TACC2: variants seen among roughly 807,000 people sequenced by gnomAD.
The protein encoded by TACC2 is transforming acidic coiled-coil-containing protein 2.
TACC2 carries 137 observed loss-of-function variants against 227.3 expected under a neutral mutation model. The ratio of observed to expected loss-of-function variants is 0.60; its 90% CI spans 0.52 to 0.69. The LOEUF (loss-of-function observed/expected upper bound fraction) is 0.69, where lower values mean the gene tolerates loss of function less well. Among genes scored for constraint, TACC2 ranks in the 30% least tolerant of loss-of-function variants. The probability of loss-of-function intolerance (pLI) is 0.00; values close to 1 mark genes in which losing one functional copy is unlikely to be tolerated. For synonymous variants in TACC2, 1,523 were observed against 1,487.5 expected, an observed-to-expected ratio of 1.02 and a Z score of -0.55; for missense variants, 3,470 against 3,694.4, an observed-to-expected ratio of 0.94 and a Z score of 1.57.
rs1003980370 is a variant in TACC2, at chr10:122,150,487, C to T, written c.5834+6781C>T. ...CACTTGATGGTTTTAGGTGCTTGCC[C>T]TGCGGGAGGCTGCGTTCCTTCCAAG... On this transcript the variant is annotated intron_variant, in intron 7 of 22. Coordinates refer to ENST00000369005, the MANE Select transcript of TACC2 (RefSeq NM_206862.4). This position sits in a 1 kb window ranked among gnomAD's most constrained non-coding sequence, Gnocchi z 4.0. Among the ~76,000 whole-genome samples, 1 of 152,206 alleles carries T rather than the reference C, an allele frequency of 6.6e-6. No individual in the cohort carries two copies. The highest frequency in any genetic ancestry group is 1.5e-5 in the Non-Finnish European group (1 of 68,042).
Position 122,035,577 on chromosome 10 carries a change from G to A in TACC2, c.33+13563G>A, listed in dbSNP as rs534888499. On this transcript the variant is annotated intron_variant, in intron 2 of 22. Transcript: ENST00000369005. ...TTTCCAATGGTAACCATGGTCGGAG[G>A]GGCTATTTATTTTTTTATTATTGCA... Among the ~76,000 whole-genome samples, 4 of 152,214 alleles carry A rather than the reference G, an allele frequency of 2.6e-5. No homozygotes were observed. In the East Asian group the frequency reaches 5.8e-4, roughly 22 times the overall value.
At chr10:122,081,853 T>C (rs978178032) in intron 3 of TACC2, among the ~76,000 whole-genome samples, 5 of 152,192 alleles carry the variant, frequency 3.3e-5, no homozygotes, top group African/African-American at 1.2e-4. Flanking sequence ...ACCTGTTAAA[T>C]GTGAAGAATC....
chr10:122,188,957 G>A (rs903884582), intron 7 of TACC2, among the ~76,000 whole-genome samples: 1 of 152,196 alleles, frequency 6.6e-6, no homozygotes, highest in Non-Finnish European at 1.5e-5. Context: ...GGCAGTACCT[G>A]GCTGGCTGCT....
chr10:122,036,255 C>T (rs111655370), intron 2 of TACC2, among the ~76,000 whole-genome samples: 7,298 of 146,656 alleles, frequency 0.05, 245 homozygotes, highest in Admixed American at 0.11. Context: ...TGCAGTGGCG[C>T]AATCTCGGCT....
chr10:122,157,260 G>A (rs187513600), intron 7 of TACC2, among the ~76,000 whole-genome samples: 19 of 152,282 alleles, frequency 1.2e-4, no homozygotes, highest in Middle Eastern at 3.4e-3. Flanking sequence ...AAACTTGAGC[G>A]GTGGGGACCC....
intron 8 of TACC2, among the ~76,000 whole-genome samples, chr10:122,201,305 C>T (rs1181785881): frequency 6.7e-6 from 1 of 149,688 alleles, no homozygotes; most frequent in East Asian, 2.1e-4. Flanking sequence ...AAACGGCCAC[C>T]TCACCTGCCC....
rs2091981249 is a variant in TACC2, at chr10:122,150,980, A to G, written c.5834+7274A>G. ...TGTGTGACATGGCATGAGTTACTTG[A>G]CTACTCTGAGCCTTGGTTTACCCAT... On this transcript the variant is annotated intron_variant, in intron 7 of 22. Transcript: ENST00000369005. This position sits in a 1 kb window ranked among gnomAD's most constrained non-coding sequence, Gnocchi z 4.0. 6.6e-6 allele frequency among the ~76,000 whole-genome samples: 1 copy of G among 152,148 alleles called. No individual in the cohort carries two copies. Among genetic ancestry groups the G allele is most frequent in the Non-Finnish European group, 1.5e-5 (1 of 68,024 alleles).
intron 1 of TACC2, among the ~76,000 whole-genome samples, chr10:122,010,742 G>A (rs1022317097): frequency 3.9e-5 from 6 of 152,216 alleles, no homozygotes; most frequent in African/African-American, 1.4e-4. Context: ...ACAATTGGGT[G>A]CAGGCTGGTG....
At chr10:122,000,816 T>C (rs7358186) in intron 1 of TACC2, among the ~76,000 whole-genome samples, 23,123 of 152,126 alleles carry the variant, frequency 0.15, 2,178 homozygotes, top group Admixed American at 0.24. Flanking sequence ...TTTGTTGTTG[T>C]TTTGTTTGTT....
chr10:121,995,136 C>T (rs1002563304), intron 1 of TACC2, among the ~76,000 whole-genome samples: 1 of 152,188 alleles, frequency 6.6e-6, no homozygotes, highest in Non-Finnish European at 1.5e-5. Flanking sequence ...TTTGAAAGCT[C>T]GTATTGTGTT....
chr10:122,035,961 C>A (rs1002604635), intron 2 of TACC2, among the ~76,000 whole-genome samples: 1 of 152,076 alleles, frequency 6.6e-6, no homozygotes. Context: ...TATAGGCATG[C>A]GCTACTGCAG....
intron 2 of TACC2, among the ~76,000 whole-genome samples, chr10:122,044,206 A>C (rs1326227366): frequency 6.6e-6 from 1 of 152,242 alleles, no homozygotes; most frequent in African/African-American, 2.4e-5. Context: ...CCGTTTGCGG[A>C]AAGCTGAAAT....
intron 7 of TACC2, among the ~76,000 whole-genome samples, chr10:122,190,029 A>G (rs1293792248): frequency 2.6e-5 from 4 of 152,234 alleles, no homozygotes; most frequent in African/African-American, 9.6e-5. Context: ...ACTTGAGCAA[A>G]TGTAACCATT....
intron 22 of TACC2, among the ~76,000 whole-genome samples, chr10:122,252,488 T>C (rs2096271262): frequency 6.6e-6 from 1 of 151,660 alleles, no homozygotes; most frequent in South Asian, 2.1e-4. Flanking sequence ...AGAGTTTTTT[T>C]TTTCTTTCTT....
chr10:122,022,007 A>G lies in TACC2; in HGVS notation c.26A>G (p.Asp9Gly). MGNENSTS[D>G]NQRTLSAQTP... is the part of the protein sequence containing the mutation. ...ATGGGCAATGAGAACAGCACCTCGG[A>G]CAACCAGGTGGGTGTCAGGAAGCTT... Residue 9 changes from aspartate (D) to glycine (G), a missense_variant, in exon 2 of 23, where the codon GAC becomes GGC. Asp to Gly is a moderately conservative substitution (Grantham distance 94). This residue lies in a region of TACC2 where 405 missense variants were observed against 389.6 expected (regional missense o/e 1.04). Coordinates refer to ENST00000369005, the MANE Select transcript of TACC2 (RefSeq NM_206862.4). 6.2e-7 allele frequency: 1 copy of G among 1,614,136 alleles called. No homozygotes were observed. Among genetic ancestry groups the G allele is most frequent in the Non-Finnish European group, 8.5e-7 (1 of 1,180,014 alleles).
rs1279585372 is a variant in TACC2 at position 122,050,611 on chromosome 10, C to G, written c.146+61C>G. The G allele has an allele frequency of 1.0e-5, 14 of 1,335,990 alleles. No homozygotes were observed. Among genetic ancestry groups the G allele is most frequent in the Non-Finnish European group, 1.5e-5 (14 of 937,976 alleles). The allele number at this position is 1,335,990 out of a possible 1,614,324, so 82.8% of individuals were successfully genotyped here. A position where few individuals can be genotyped will look rare whatever the true frequency, so the allele number is the denominator to read the frequency against. ...AGGACTGCCCCGCTCATTGCCTGCTCCAGCATTAGCTTTGCCCCATTTGCT... is the reference window on the plus strand; with the variant it reads ...AGGACTGCCCCGCTCATTGCCTGCTGCAGCATTAGCTTTGCCCCATTTGCT... On this transcript the variant is annotated intron_variant, in intron 3 of 22. Transcript: ENST00000369005. The surrounding 1 kb of genome is among the most constrained non-coding windows in gnomAD (Gnocchi z 4.6).
intron 7 of TACC2, among the ~76,000 whole-genome samples, chr10:122,191,338 G>A (rs1367832596): frequency 1.3e-5 from 2 of 152,092 alleles, no homozygotes; most frequent in Non-Finnish European, 1.5e-5. Flanking sequence ...TCCTGTGCCC[G>A]ACACATAACA....
At position 122,087,890 on chromosome 10, in the gene TACC2, C is replaced by A; in HGVS notation, c.5390C>A (p.Pro1797His). 1 of 1,515,062 alleles carries A rather than the reference C, an allele frequency of 6.6e-7. No individual in the cohort carries two copies. The allele number at this position is 1,515,062 out of a possible 1,614,324, so 93.9% of individuals were successfully genotyped here. Residue 1797 changes from proline (P) to histidine (H), a missense_variant, in exon 4 of 23, where the codon CCT becomes CAT. Around this residue, in one of 10 missense-constraint regions of TACC2, gnomAD observed 1,924 missense variants for 1,978.3 expected, o/e 0.97. Transcript: ENST00000369005. ...AGDGKVCVSS[P>H]PEPDETHDPK... ...GATGGGAAGGTGTGCGTCTCCTCAC[C>A]TCCAGAGCCTGACGAAACTCACGAC... is the stretch of plus-strand genomic sequence containing the variant.
At chr10:122,000,889 C>A (rs1954226009) in intron 1 of TACC2, among the ~76,000 whole-genome samples, 1 of 152,204 alleles carries the variant, frequency 6.6e-6, no homozygotes, top group Admixed American at 6.5e-5. Context: ...GTCATGTGAT[C>A]TTGGCTCACT....
Sources: allele counts gnomAD v4.1 joint callset (sites outside exome capture counted in the v4.1 genomes callset), GRCh38; gene constraint gnomAD v4.1.1; regional missense constraint gnomAD v4.1.1; non-coding constraint Gnocchi (gnomAD v3.1); transcripts MANE v1.5; gene names NCBI Gene and HGNC (gene_info 2026-07-23, HGNC 2026-07-21).